The following KDM6A variants were observed in gnomAD, a reference collection of about 807,000 sequenced individuals.
KDM6A encodes the protein lysine-specific demethylase 6A.
Under a neutral mutation model 117.6 loss-of-function variants are expected in KDM6A, and 11 were observed. The observed-to-expected ratio is 0.09, with a 90% CI of 0.06 to 0.15. The LOEUF is 0.15. Ranked by LOEUF, KDM6A falls within the 10% of genes least tolerant of loss-of-function variation. The probability of loss-of-function intolerance (pLI) is 1.00; values close to 1 mark genes in which losing one functional copy is unlikely to be tolerated. For synonymous variants in KDM6A, 384 were observed against 396.1 expected, an observed-to-expected ratio of 0.97 and a Z score of 0.36; for missense variants, 799 against 1,077.3, an observed-to-expected ratio of 0.74 and a Z score of 3.62.
At chrX:44,899,821 G>A (rs2034211329) in intron 2 of KDM6A, among the ~76,000 whole-genome samples, 1 of 111,510 alleles carries the variant, frequency 9.0e-6, no homozygotes, top group South Asian at 3.7e-4. Context: ...AAGGCTTATA[G>A]TAATTCAATT....
chrX:44,948,189 A>C (rs1315076509), intron 2 of KDM6A, among the ~76,000 whole-genome samples: 1 of 111,723 alleles, frequency 9.0e-6, no homozygotes, highest in East Asian at 2.8e-4. Context: ...TACTGAGAGA[A>C]TTTCTTGAGG....
chrX:45,040,583 G>A (rs868279417), intron 8 of KDM6A, among the ~76,000 whole-genome samples: 24 of 48,133 alleles, frequency 5.0e-4, no homozygotes, highest in African/African-American at 1.2e-3. Context: ...GGGCAGAGGC[G>A]CCCCTCACCT....
In KDM6A at chrX:45,069,754, C is replaced by CCTCTCA; in HGVS notation, c.2257_2262dup (p.Ser753_His754dup). ...CAGGGGGCTGCTCTCAATCACCTCTCCTCTCACACTGCTACCTCAGGTGGA... is the reference window on the plus strand; with the variant it reads ...CAGGGGGCTGCTCTCAATCACCTCTCCTCTCACTCTCACACTGCTACCTCAGGTGGA... On this transcript the variant is annotated inframe_insertion, in exon 18 of 30. Coordinates refer to ENST00000611820, the MANE Select transcript of KDM6A (RefSeq NM_001291415.2). 1.7e-6 allele frequency: 2 copies of CCTCTCA among 1,210,345 alleles called. No individual in the cohort carries two copies. Among genetic ancestry groups the CCTCTCA allele is most frequent in the Non-Finnish European group, 2.2e-6 (2 of 894,732 alleles).
intron 2 of KDM6A, among the ~76,000 whole-genome samples, chrX:44,892,161 C>T (rs1328450081): frequency 8.9e-6 from 1 of 112,511 alleles, no homozygotes; most frequent in Non-Finnish European, 1.9e-5. Flanking sequence ...TAGTGAGTCT[C>T]ACCACTTTAT....
chrX:44,980,082 C>T (rs1471672234), intron 4 of KDM6A, among the ~76,000 whole-genome samples: 3 of 105,559 alleles, frequency 2.8e-5, no homozygotes, highest in Non-Finnish European at 5.8e-5. Flanking sequence ...CTGCAACCTT[C>T]GCCTCCCGGG....
intron 17 of KDM6A, among the ~76,000 whole-genome samples, chrX:45,068,812 CTTTCTCTTTCT>C (rs1392175277): frequency 2.0e-5 from 2 of 100,934 alleles, no homozygotes; most frequent in Non-Finnish European, 3.9e-5. Context: ...TTCTCTTTCT[CTTTCTCTTTCT>C]CTTTCCCTTT....
intron 2 of KDM6A, among the ~76,000 whole-genome samples, chrX:44,929,687 A>G (rs1046247835): frequency 1.8e-5 from 2 of 111,810 alleles, no homozygotes; most frequent in Admixed American, 9.5e-5. Flanking sequence ...TATGGTGGGT[A>G]TATGTTTAAC....
rs747029360 is a variant in KDM6A at position 45,063,646 on chromosome X, G to C, written c.1908G>C (p.Thr636=). Residue 636 remains threonine (T), a synonymous_variant, in exon 17 of 30, where the codon ACG becomes ACC. Coordinates refer to ENST00000611820, the MANE Select transcript of KDM6A (RefSeq NM_001291415.2). ...AGHVPCSTSR[T]LGSTDTILIG... The stretch of plus-strand genomic sequence containing the variant: ...ATGTTCCCTGTAGCACATCAAGAAC[G>C]CTGGGAAGTACAGACACTATTTTGA... 1 of 1,210,510 alleles carries C rather than the reference G, an allele frequency of 8.3e-7. No individual in the cohort carries two copies. Among genetic ancestry groups the C allele is most frequent in the Non-Finnish European group, 1.1e-6 (1 of 894,705 alleles).
At chrX:44,980,260 C>G (rs1254312698) in intron 4 of KDM6A, among the ~76,000 whole-genome samples, 2 of 111,524 alleles carry the variant, frequency 1.8e-5, no homozygotes, top group African/African-American at 6.5e-5. Flanking sequence ...TCCCAAAGTG[C>G]TGGGATTATA....
chrX:45,106,212 ATT>A (rs1182510131), intron 27 of KDM6A, among the ~76,000 whole-genome samples: 1 of 111,720 alleles, frequency 9.0e-6, no homozygotes, highest in African/African-American at 3.3e-5. Context: ...TAAAATTGAT[ATT>A]GTTTTATATT....
chrX:44,982,691 A>T (rs2039972366), intron 4 of KDM6A, among the ~76,000 whole-genome samples: 2 of 111,990 alleles, frequency 1.8e-5, no homozygotes, highest in South Asian at 7.4e-4. Context: ...CTTGAAAATT[A>T]TACTGTACTT....
chrX:44,881,018 T>C (rs2032237181), intron 2 of KDM6A, among the ~76,000 whole-genome samples: 1 of 112,115 alleles, frequency 8.9e-6, no homozygotes, highest in Admixed American at 9.5e-5. Context: ...TCCTATTTCT[T>C]TGTGTTTTAG....
chrX:45,022,837 T>A (rs2042223185), intron 6 of KDM6A, among the ~76,000 whole-genome samples: 1 of 111,904 alleles, frequency 8.9e-6, no homozygotes, highest in Non-Finnish European at 1.9e-5. Flanking sequence ...CTATGTGAAG[T>A]CTAGCCTTCA....
chrX:44,911,709 C>T (rs1368125870), intron 2 of KDM6A, among the ~76,000 whole-genome samples: 5 of 111,616 alleles, frequency 4.5e-5, no homozygotes, highest in Non-Finnish European at 7.6e-5. Context: ...GAGCCGAGAT[C>T]ACGCCACTGC....
chrX:45,038,903 T>G (rs781534972), intron 8 of KDM6A, among the ~76,000 whole-genome samples: 3 of 107,154 alleles, frequency 2.8e-5, no homozygotes, highest in South Asian at 4.0e-4. Context: ...ATACTGTTGG[T>G]TTTTTTTTTA....
intron 25 of KDM6A, among the ~76,000 whole-genome samples, chrX:45,087,015 G>T (rs1448412259): frequency 8.9e-6 from 1 of 112,489 alleles, no homozygotes; most frequent in Admixed American, 9.3e-5. Flanking sequence ...TTTTAAGACG[G>T]AGTCTTGCTC....
intron 3 of KDM6A, among the ~76,000 whole-genome samples, chrX:44,962,560 A>G (rs1192434666): frequency 8.9e-6 from 1 of 111,957 alleles, no homozygotes; most frequent in Non-Finnish European, 1.9e-5. Flanking sequence ...AAAACTGGAA[A>G]CTTATTTAAA....
intron 2 of KDM6A, among the ~76,000 whole-genome samples, chrX:44,926,785 T>C (rs1001757912): frequency 8.1e-5 from 9 of 111,651 alleles, no homozygotes; most frequent in Non-Finnish European, 1.7e-4. Context: ...CTACCACCTG[T>C]GTTTGAGTGT....
intron 8 of KDM6A, among the ~76,000 whole-genome samples, chrX:45,046,751 C>T (rs756170476): frequency 9.9e-5 from 11 of 110,962 alleles, no homozygotes; most frequent in Non-Finnish European, 1.9e-4. Context: ...GATATACTAA[C>T]CCAATAAAAC....
Sources: allele counts gnomAD v4.1 joint callset (sites outside exome capture counted in the v4.1 genomes callset), GRCh38; gene constraint gnomAD v4.1.1; transcripts MANE v1.5; gene names NCBI Gene and HGNC (gene_info 2026-07-23, HGNC 2026-07-21).